Variants in HNRNPUL1 observed in about 807,000 individuals in gnomAD.
The protein encoded by HNRNPUL1 is heterogeneous nuclear ribonucleoprotein U like 1, also known as heterogeneous nuclear ribonucleoprotein U-like protein 1.
HNRNPUL1 carries 14 observed loss-of-function variants against 108.5 expected under a neutral mutation model. That is an observed-to-expected ratio of 0.13 (90% CI 0.09 to 0.20). HNRNPUL1 has a LOEUF of 0.20. Ranked by LOEUF, HNRNPUL1 falls within the 10% of genes least tolerant of loss-of-function variation. HNRNPUL1 has a pLI of 1.00. For synonymous variants in HNRNPUL1, 422 were observed against 445.2 expected (o/e 0.95, Z 0.66); for missense variants, 804 against 1,168.3 (o/e 0.69, Z 4.55).
rs1568465678 is a variant in HNRNPUL1 at position 41,307,551 on chromosome 19, T to TC, written c.*990dup. ...TACAGTGATACCCTTTATTTTTACTTCCCCTTGACTCATATGTTTTAACAT... is the reference window on the plus strand; with the variant it reads ...TACAGTGATACCCTTTATTTTTACTTCCCCCTTGACTCATATGTTTTAACAT... On this transcript the variant is annotated 3_prime_UTR_variant, in exon 15 of 15. Coordinates refer to ENST00000392006, the MANE Select transcript of HNRNPUL1 (RefSeq NM_007040.6). 1.3e-5 allele frequency: 2 copies of TC among 152,568 alleles called. No homozygotes were observed. The highest frequency in any genetic ancestry group is 2.9e-5 in the Non-Finnish European group (2 of 68,038). 9.5% of individuals were successfully genotyped at this position (152,568 alleles called of 1,614,324 possible). A position where few individuals can be genotyped will look rare whatever the true frequency, so the allele number is the denominator to read the frequency against.
At chr19:41,265,400 TAATGG>T (rs1189681548) in intron 1 of HNRNPUL1, 5 of 1,499,478 alleles carry the variant, frequency 3.3e-6, no homozygotes, top group Non-Finnish European at 4.4e-6. Flanking sequence ...GGGAGGGTCC[TAATGG>T]ACTCAGTGCT....
chr19:41,266,277 A>G (rs2034838055), intron 1 of HNRNPUL1, among the ~76,000 whole-genome samples: 1 of 152,070 alleles, frequency 6.6e-6, no homozygotes, highest in African/African-American at 2.4e-5. Context: ...TACTAAAAAT[A>G]CAAATATTAA....
chr19:41,289,629 T>C (rs2036461289), intron 7 of HNRNPUL1, among the ~76,000 whole-genome samples: 1 of 151,552 alleles, frequency 6.6e-6, no homozygotes, highest in African/African-American at 2.4e-5. Context: ...CCGGTTTCTG[T>C]GCATTATGGG....
chr19:41,276,201 G>C lies in HNRNPUL1; in HGVS notation c.689G>C (p.Ser230Thr). The C allele has an allele frequency of 6.2e-7, 1 of 1,614,074 alleles. No individual in the cohort carries two copies. The highest frequency in any genetic ancestry group is 1.3e-5 in the African/African-American group (1 of 75,016). Residue 230 changes from serine (S) to threonine (T), a missense_variant, in exon 5 of 15, where the codon AGT becomes ACT. By Grantham distance (58) the Ser-to-Thr change is moderately conservative (BLOSUM62 1). This residue lies in a region of HNRNPUL1 where 174 missense variants were observed against 296.6 expected (regional missense o/e 0.59). Transcript: ENST00000392006. ...TTCAAGGTGGCCCGAGATCGGAGTA[G>C]TGGCTATCCGCTCACAATTGAGGGC... The part of the protein sequence containing the change: ...LHFKVARDRS[S>T]GYPLTIEGFA...
At chr19:41,268,841 A>G (rs1013768868) in intron 2 of HNRNPUL1, among the ~76,000 whole-genome samples, 2 of 152,060 alleles carry the variant, frequency 1.3e-5, no homozygotes, top group Non-Finnish European at 2.9e-5. Context: ...CAGTCTGGGC[A>G]ACAAGAGTGA....
intron 6 of HNRNPUL1, among the ~76,000 whole-genome samples, chr19:41,279,912 T>TTG (rs1322845957): frequency 6.6e-6 from 1 of 152,204 alleles, no homozygotes; most frequent in African/African-American, 2.4e-5. Flanking sequence ...TAGGACTACT[T>TTG]TGTATAGCCT....
rs1461510762 is a variant in HNRNPUL1 at position 41,294,021 on chromosome 19, C to T, written c.1267-317C>T. Among the ~76,000 whole-genome samples, 3 of 152,088 alleles carry T rather than the reference C, an allele frequency of 2.0e-5. No homozygotes were observed. The highest frequency in any genetic ancestry group is 1.3e-4 in the Admixed American group (2 of 15,270). ...GACCCTGTCTCAAAAAAACAAAATA[C>T]TATAAATGCTAATGATGACAGCACT... On this transcript the variant is annotated intron_variant, in intron 8 of 14. Coordinates refer to ENST00000392006, the MANE Select transcript of HNRNPUL1 (RefSeq NM_007040.6). The surrounding 1 kb of genome is among the most constrained non-coding windows in gnomAD (Gnocchi z 4.3).
At chr19:41,273,567 T>C (rs1329871883) in intron 3 of HNRNPUL1, among the ~76,000 whole-genome samples, 2 of 152,174 alleles carry the variant, frequency 1.3e-5, no homozygotes, top group Non-Finnish European at 2.9e-5. Flanking sequence ...ATAGTAATTA[T>C]TGGGATTTAT....
chr19:41,305,635 C>T (rs1482781081), intron 13 of HNRNPUL1, 41 bp from the exon 14 acceptor site: 2 of 1,613,170 alleles, frequency 1.2e-6, no homozygotes, highest in Admixed American at 3.3e-5. Context: ...CAGATTTCCT[C>T]TATTTCACAG....
Position 41,292,423 on chromosome 19 carries a change from T to C in HNRNPUL1, c.1178T>C (p.Val393Ala). 1 of 1,614,190 alleles carries C rather than the reference T, an allele frequency of 6.2e-7. No individual in the cohort carries two copies. The highest frequency in any genetic ancestry group is 2.2e-5 in the East Asian group (1 of 44,886). The stretch of plus-strand genomic sequence containing the variant: ...CAGAGAGCAGAGCCCTACTGTTCTG[T>C]CCTCCCGGGGTTTACCTTCATCCAG... Reference protein sequence around the residue: ...FGQRAEPYCSVLPGFTFIQHL... With the variant: ...FGQRAEPYCSALPGFTFIQHL... Residue 393 changes from valine to alanine, a missense_variant, in exon 8 of 15, where the codon GTC (valine) becomes GCC (alanine). By Grantham distance (64) the Val-to-Ala change is moderately conservative. This residue lies in a region of HNRNPUL1 where 174 missense variants were observed against 296.6 expected (regional missense o/e 0.59). Transcript: ENST00000392006. The surrounding 1 kb of genome is among the most constrained non-coding windows in gnomAD (Gnocchi z 4.1).
At position 41,305,874 on chromosome 19, in the gene HNRNPUL1, G is replaced by A; in HGVS notation, c.2454+7G>A. On this transcript the variant is annotated splice_region_variant and intron_variant, in intron 14 of 14. Transcript: ENST00000392006. ...CTATAACCAGTATCAGCAGGTAGGT[G>A]CCAGACTGGGGGCCAACTGGATGGA... The A allele has an allele frequency of 6.4e-7, 1 of 1,571,974 alleles. No homozygotes were observed. Among genetic ancestry groups the A allele is most frequent in the Non-Finnish European group, 8.7e-7 (1 of 1,149,870 alleles).
In HNRNPUL1 at chr19:41,302,831, G is replaced by A. The variant is rs2037311010; in HGVS notation, c.1854G>A (p.Arg618=). ...RFDNRGGGGF[R]GRGGGGGFQR... ...ACAACCGAGGTGGTGGTGGCTTCCGGGGCCGCGGGGGTGGTGGTGGCTTCC... is the reference window on the plus strand; with the variant it reads ...ACAACCGAGGTGGTGGTGGCTTCCGAGGCCGCGGGGGTGGTGGTGGCTTCC... Residue 618 remains arginine (R), a synonymous_variant, in exon 12 of 15, where the codon CGG becomes CGA. Transcript: ENST00000392006. The A allele has an allele frequency of 1.3e-6, 2 of 1,597,624 alleles. No individual in the cohort carries two copies. The highest frequency in any genetic ancestry group is 2.7e-5 in the African/African-American group (2 of 74,550).
At position 41,289,861 on chromosome 19, in the gene HNRNPUL1, C is replaced by T. The variant is rs567445649; in HGVS notation, c.1000-2384C>T. Among the ~76,000 whole-genome samples, 5 of 151,986 alleles carry T rather than the reference C, an allele frequency of 3.3e-5. No individual in the cohort carries two copies. In the East Asian group the frequency reaches 9.7e-4, roughly 29 times the overall value. On this transcript the variant is annotated intron_variant, in intron 7 of 14. Coordinates refer to ENST00000392006, the MANE Select transcript of HNRNPUL1 (RefSeq NM_007040.6). The stretch of plus-strand genomic sequence containing the variant: ...CTGAGTAGCTGGGATTACAGGCACT[C>T]GCCACCATGACCAGCTAATTTTTGT...
chr19:41,281,421 A>G, intron 7 of HNRNPUL1, 146 bp downstream of exon 7: 1 of 611,554 alleles, frequency 1.6e-6, no homozygotes, highest in Non-Finnish European at 2.9e-6. Flanking sequence ...TGGAATGTTT[A>G]CTGTCATTTT....
intron 7 of HNRNPUL1, among the ~76,000 whole-genome samples, chr19:41,285,864 T>C (rs1276958497): frequency 6.6e-6 from 1 of 152,278 alleles, no homozygotes; most frequent in African/African-American, 2.4e-5. Flanking sequence ...GTATAGTTTT[T>C]GACTCCCAAA....
intron 10 of HNRNPUL1, 65 bp from the exon 11 acceptor site, chr19:41,301,471 C>A (rs897916954): frequency 3.5e-5 from 49 of 1,385,944 alleles, no homozygotes; most frequent in Non-Finnish European, 4.4e-5. Flanking sequence ...TACATAATAC[C>A]CCTCAGAGGA....
chr19:41,306,683 C>A lies in HNRNPUL1; in HGVS notation c.*118C>A. 1.8e-6 allele frequency: 1 copy of A among 546,330 alleles called. No individual in the cohort carries two copies. Among genetic ancestry groups the A allele is most frequent in the Non-Finnish European group, 3.0e-6 (1 of 329,806 alleles). The allele number at this position is 546,330 out of a possible 1,614,324, so 33.8% of individuals were successfully genotyped here. On this transcript the variant is annotated 3_prime_UTR_variant, in exon 15 of 15. Coordinates refer to ENST00000392006, the MANE Select transcript of HNRNPUL1 (RefSeq NM_007040.6). ...TGCTGGGGATGGGGTCATCCCAGGG[C>A]TGCCTCCCTCCAGCCCACTGCCTCC...
intron 10 of HNRNPUL1, among the ~76,000 whole-genome samples, chr19:41,300,658 A>C (rs944960231): frequency 6.6e-6 from 1 of 152,214 alleles, no homozygotes; most frequent in Non-Finnish European, 1.5e-5. Flanking sequence ...GCCCGACATG[A>C]AGGAGGTGTT....
chr19:41,283,240 A>G (rs1311622921), intron 7 of HNRNPUL1, among the ~76,000 whole-genome samples: 1 of 152,232 alleles, frequency 6.6e-6, no homozygotes, highest in Admixed American at 6.5e-5. Flanking sequence ...CACAGTTGAG[A>G]GAAATGTAAA....
Sources: gnomAD v4.1 joint callset for allele counts (sites outside exome capture counted in the v4.1 genomes callset) on GRCh38, gnomAD v4.1.1 for gene constraint, gnomAD v4.1.1 regional missense constraint, Gnocchi (gnomAD v3.1) non-coding constraint, MANE v1.5 for transcripts, NCBI Gene and HGNC (gene_info 2026-07-23, HGNC 2026-07-21) for gene names.